UBXN2B: variants seen among roughly 807,000 people sequenced by gnomAD.
UBXN2B encodes the protein UBX domain protein 2B.
UBXN2B carries 19 observed loss-of-function variants against 37.5 expected under a neutral mutation model. The observed-to-expected ratio is 0.51, with a 90% CI of 0.35 to 0.74. UBXN2B has a LOEUF of 0.74. Among genes scored for constraint, UBXN2B ranks in the 30% least tolerant of loss-of-function variants. The pLI is 0.01. For synonymous variants in UBXN2B, 145 were observed against 143.8 expected (o/e 1.01, Z -0.06); for missense variants, 370 against 393.2 (o/e 0.94, Z 0.50).
intron 4 of UBXN2B, 111 bp from the exon 5 acceptor site, chr8:58,434,284 G>A (rs923196589): frequency 3.2e-5 from 9 of 283,070 alleles, no homozygotes; most frequent in Non-Finnish European, 5.1e-5. Flanking sequence ...AAGTAAATAC[G>A]TTTTAGGATA....
intron 1 of UBXN2B, among the ~76,000 whole-genome samples, chr8:58,414,775 C>G (rs1372185550): frequency 6.6e-6 from 1 of 152,056 alleles, no homozygotes; most frequent in East Asian, 1.9e-4. Flanking sequence ...CCGTTAATAA[C>G]TAGGATCTTT....
Position 58,416,946 on chromosome 8 carries a change from C to T in UBXN2B, c.181C>T (p.Pro61Ser), listed in dbSNP as rs781499846. Residue 61 changes from proline (P) to serine (S), a missense_variant, in exon 2 of 8, where the codon CCT becomes TCT. Pro to Ser is a moderately conservative substitution (Grantham distance 74). This residue lies in a region of UBXN2B where 197 missense variants were observed against 170.2 expected (regional missense o/e 1.16). Transcript: ENST00000399598. ...ATVFKSPRTPPQRFYSSEHEY... is the reference protein window; with the variant it reads ...ATVFKSPRTPSQRFYSSEHEY... ...AGTCTTCAAGAGCCCACGGACACCA[C>T]CTCAACGGTAAGTTTTATTTTGTTT... 16 of 1,594,082 alleles carry T rather than the reference C, an allele frequency of 1.0e-5. No individual in the cohort carries two copies. The highest frequency in any genetic ancestry group is 3.5e-5 in the Admixed American group (2 of 57,906).
chr8:58,425,729 G>A (rs1381054012), intron 2 of UBXN2B: 14 of 1,164,440 alleles, frequency 1.2e-5, no homozygotes, highest in African/African-American at 1.5e-5. Flanking sequence ...AAGGGGCTAC[G>A]TGAGTTGTAG....
intron 3 of UBXN2B, among the ~76,000 whole-genome samples, chr8:58,432,125 G>A (rs1384436974): frequency 1.3e-5 from 2 of 151,802 alleles, no homozygotes; most frequent in Non-Finnish European, 2.9e-5. Context: ...TTTCTTTTAT[G>A]GATCATGCTT....
intron 5 of UBXN2B, among the ~76,000 whole-genome samples, chr8:58,437,085 ACTT>A (rs1173100818): frequency 1.1e-4 from 17 of 152,182 alleles, no homozygotes; most frequent in Non-Finnish European, 2.2e-4. Flanking sequence ...AAAATTTGGT[ACTT>A]CTTAGAGACT....
chr8:58,450,819 G>A lies in UBXN2B; in HGVS notation c.*3268G>A, dbSNP rs1471294014. The A allele has an allele frequency of 6.6e-6, 1 of 152,212 alleles. No individual in the cohort carries two copies. Among genetic ancestry groups the A allele is most frequent in the East Asian group, 1.9e-4 (1 of 5,200 alleles). 9.4% of individuals were successfully genotyped at this position (152,212 alleles called of 1,614,324 possible). ...TTATTTCAAAGAGGTGAATTTACCT[G>A]TGCTAGGGTTTTCACACTGGGAGTG... On this transcript the variant is annotated 3_prime_UTR_variant, in exon 8 of 8. Transcript: ENST00000399598.
At chr8:58,425,768 T>C (rs1046741916) in intron 2 of UBXN2B, 5 of 1,151,108 alleles carry the variant, frequency 4.3e-6, no homozygotes, top group Non-Finnish European at 6.6e-6. Flanking sequence ...CATCATAGGA[T>C]TCTTCTTGTA....
Position 58,411,412 on chromosome 8 carries a change from C to A in UBXN2B, c.27C>A (p.Pro9=), listed in dbSNP as rs61732909. The change falls in exon 1 of 8, where the codon CCC becomes CCA. Residue 9 remains proline (P), a synonymous_variant. Coordinates refer to ENST00000399598, the MANE Select transcript of UBXN2B (RefSeq NM_001077619.2). MAEGGGPE[P]GEQERRSSGP... ...TGGCGGAGGGCGGAGGCCCTGAGCC[C>A]GGCGAGCAGGAGAGGAGGTCTTCCG... The A allele has an allele frequency of 1.0e-4, 133 of 1,269,792 alleles. No homozygotes were observed. Among genetic ancestry groups the A allele is most frequent in the African/African-American group, 3.6e-4 (23 of 64,568 alleles). The allele number at this position is 1,269,792 out of a possible 1,614,324, so 78.7% of individuals were successfully genotyped here.
chr8:58,433,215 A>G lies in UBXN2B; in HGVS notation c.395A>G (p.Tyr132Cys). The change falls in exon 4 of 8, where the codon TAT becomes TGT. Residue 132 changes from tyrosine to cysteine, a missense_variant. Tyr to Cys is a radical substitution (Grantham distance 194). Transcript: ENST00000399598. ...AGTTCTTTTTGTAAGCGGTCTGAAT[A>G]TATCTATGGAGAAAATCAGCTGCAA... ...LGSSFCKRSE[Y>C]IYGENQLQDV... 3 of 1,612,268 alleles carry G rather than the reference A, an allele frequency of 1.9e-6. No homozygotes were observed. Among genetic ancestry groups the G allele is most frequent in the Non-Finnish European group, 2.5e-6 (3 of 1,179,098 alleles).
chr8:58,449,559 C>T lies in UBXN2B; in HGVS notation c.*2008C>T, dbSNP rs1808758094. The T allele has an allele frequency of 1.3e-5, 2 of 152,184 alleles. No individual in the cohort carries two copies. Among genetic ancestry groups the T allele is most frequent in the Non-Finnish European group, 2.9e-5 (2 of 68,050 alleles). The allele number at this position is 152,184 out of a possible 1,614,324, so 9.4% of individuals were successfully genotyped here. A position where few individuals can be genotyped will look rare whatever the true frequency, so the allele number is the denominator to read the frequency against. On this transcript the variant is annotated 3_prime_UTR_variant, in exon 8 of 8. Transcript: ENST00000399598. ...CTTGTGAACCTAGAAAACAAGTTAT[C>T]TGTTCCCAAGTATGATGGCATGACA...
At chr8:58,423,490 T>C (rs1187392233) in intron 2 of UBXN2B, among the ~76,000 whole-genome samples, 14 of 151,208 alleles carry the variant, frequency 9.3e-5, no homozygotes, top group East Asian at 5.8e-4. Context: ...GGCTGGAGTG[T>C]AGTGGCGAGG....
In UBXN2B at chr8:58,433,241, G is replaced by A; in HGVS notation, c.421G>A (p.Asp141Asn). 6.2e-7 allele frequency: 1 copy of A among 1,607,002 alleles called. No homozygotes were observed. Among genetic ancestry groups the A allele is most frequent in the Non-Finnish European group, 8.5e-7 (1 of 1,175,682 alleles). The change falls in exon 4 of 8, where the codon GAT becomes AAT. Residue 141 changes from aspartate to asparagine, a missense_variant and splice_region_variant. Physicochemically the swap from Asp to Asn is conservative, Grantham distance 23. Around this residue, in one of 3 missense-constraint regions of UBXN2B, gnomAD observed 197 missense variants for 170.2 expected, o/e 1.16. Coordinates refer to ENST00000399598, the MANE Select transcript of UBXN2B (RefSeq NM_001077619.2). ...TATCTATGGAGAAAATCAGCTGCAA[G>A]ATGTAGGTACAATAATCAAAATGAA... ...EYIYGENQLQ[D>N]VQILLKLWSN...
At position 58,424,688 on chromosome 8, in the gene UBXN2B, G is replaced by A. The variant is rs182570518; in HGVS notation, c.189-5831G>A. The A allele has an allele frequency of 5.8e-4, 304 of 521,884 alleles. 5 individuals are homozygous for A. Among genetic ancestry groups the A allele is most frequent in the African/African-American group, 4.8e-3 (214 of 44,426 alleles). The allele number at this position is 521,884 out of a possible 1,614,324, so 32.3% of individuals were successfully genotyped here. ...ACAGCGTGGAGTTGGAGTACAAGGC[G>A]GGGGGGGGGGCTCTGATCTCCACTC... is the stretch of plus-strand genomic sequence containing the variant. On this transcript the variant is annotated intron_variant, in intron 2 of 7. Transcript: ENST00000399598.
At chr8:58,436,330 G>A (rs1808410862) in intron 5 of UBXN2B, among the ~76,000 whole-genome samples, 2 of 152,186 alleles carry the variant, frequency 1.3e-5, no homozygotes, top group South Asian at 2.1e-4. Context: ...CCTAAAAAAT[G>A]TGTTTTGCTT....
intron 2 of UBXN2B, among the ~76,000 whole-genome samples, chr8:58,427,144 T>C (rs894516198): frequency 6.6e-6 from 1 of 152,136 alleles, no homozygotes. Flanking sequence ...ACAGGAACAA[T>C]TGAGGTAAAC....
chr8:58,436,385 A>G lies in UBXN2B; in HGVS notation c.533+1881A>G, dbSNP rs74741912. ...GTTTTAGGATCAGACAGTATTATCC[A>G]CGTGACTCCCTGGAGGGCACATGAT... On this transcript the variant is annotated intron_variant, in intron 5 of 7. Coordinates refer to ENST00000399598, the MANE Select transcript of UBXN2B (RefSeq NM_001077619.2). 1.2e-3 allele frequency among the ~76,000 whole-genome samples: 186 copies of G among 152,342 alleles called. 3 individuals carry two copies. The East Asian group carries it at 0.028, about 23-fold the overall frequency.
intron 4 of UBXN2B, 34 bp from the exon 5 acceptor site, chr8:58,434,339 GTATATGTGAATATATATATATA>G (rs1563463988): frequency 2.0e-6 from 1 of 503,184 alleles, no homozygotes; most frequent in African/African-American, 2.2e-5. Flanking sequence ...ATATTCTTAT[GTATATGTGAATATATATATATA>G]TATATATATT....
chr8:58,415,462 GTT>G (rs1807752522), intron 1 of UBXN2B, among the ~76,000 whole-genome samples: 1 of 151,694 alleles, frequency 6.6e-6, no homozygotes, highest in African/African-American at 2.4e-5. Flanking sequence ...TTTGTTTTTT[GTT>G]TTGTGTTTTT....
chr8:58,443,891 A>G (rs1248981663), intron 6 of UBXN2B, among the ~76,000 whole-genome samples: 3 of 152,216 alleles, frequency 2.0e-5, no homozygotes, highest in Admixed American at 6.5e-5. Flanking sequence ...TTGTCCAGCT[A>G]TCTGTCTGTG....
Sources: gnomAD v4.1 joint callset for allele counts (sites outside exome capture counted in the v4.1 genomes callset) on GRCh38, gnomAD v4.1.1 for gene constraint, gnomAD v4.1.1 regional missense constraint, MANE v1.5 for transcripts, NCBI Gene and HGNC (gene_info 2026-07-23, HGNC 2026-07-21) for gene names.